The following ATP2B2 variants were observed in gnomAD, a reference collection of about 807,000 sequenced individuals.
ATP2B2 encodes the protein plasma membrane calcium-transporting ATPase 2.
Under a neutral mutation model 120.0 loss-of-function variants are expected in ATP2B2, and 15 were observed. The ratio of observed to expected loss-of-function variants is 0.12; its 90% confidence interval spans 0.08 to 0.19. The LOEUF is 0.19. Ranked by LOEUF, ATP2B2 falls within the 10% of genes least tolerant of loss-of-function variation. ATP2B2 has a pLI of 1.00. For synonymous variants in ATP2B2, 694 were observed against 700.3 expected (o/e 0.99, Z 0.14); for missense variants, 1,045 against 1,719.8 (o/e 0.61, Z 6.94).
intron 1 of ATP2B2, among the ~76,000 whole-genome samples, chr3:10,685,637 T>A (rs543105818): frequency 1.3e-5 from 2 of 152,198 alleles, no homozygotes; most frequent in African/African-American, 2.4e-5. Flanking sequence ...CAATGTGCCA[T>A]GTGGCTGCTT....
intron 1 of ATP2B2, among the ~76,000 whole-genome samples, chr3:10,646,386 G>C (rs1255764470): frequency 6.6e-6 from 1 of 152,086 alleles, no homozygotes; most frequent in African/African-American, 2.4e-5. Flanking sequence ...TGGAGACCCA[G>C]CTCAAGTCCT....
At chr3:10,520,683 TA>T (rs1407071796) in intron 3 of ATP2B2, among the ~76,000 whole-genome samples, 2 of 151,888 alleles carry the variant, frequency 1.3e-5, no homozygotes, top group Non-Finnish European at 2.9e-5. Flanking sequence ...CTTGAACTCC[TA>T]ATCTCAAGTG....
At chr3:10,695,578 T>A (rs2125716503) in intron 1 of ATP2B2, among the ~76,000 whole-genome samples, 1 of 152,058 alleles carries the variant, frequency 6.6e-6, no homozygotes, top group East Asian at 1.9e-4. Flanking sequence ...AGACACTACA[T>A]AGAGTAAAGG....
At chr3:10,512,771 C>G (rs1223163893) in intron 3 of ATP2B2, among the ~76,000 whole-genome samples, 1 of 152,220 alleles carries the variant, frequency 6.6e-6, no homozygotes, top group African/African-American at 2.4e-5. Context: ...CCCTCTGGGA[C>G]TCTGCCTCAG....
At chr3:10,622,394 C>T (rs17033250) in intron 1 of ATP2B2, among the ~76,000 whole-genome samples, 3,448 of 152,208 alleles carry the variant, frequency 0.023, 77 homozygotes, top group African/African-American at 0.064. Context: ...GTTAAAATTT[C>T]ATCTGCATTG....
intron 3 of ATP2B2, among the ~76,000 whole-genome samples, chr3:10,405,448 C>A (rs923718314): frequency 6.6e-6 from 1 of 152,162 alleles, no homozygotes; most frequent in African/African-American, 2.4e-5. Context: ...GTGCAGATCG[C>A]TGGGGTAGGG....
intron 1 of ATP2B2, among the ~76,000 whole-genome samples, chr3:10,655,968 C>G (rs939255288): frequency 6.6e-6 from 1 of 152,230 alleles, no homozygotes; most frequent in African/African-American, 2.4e-5. Flanking sequence ...AACGTTTCTT[C>G]TCTTGGAGAA....
intron 1 of ATP2B2, among the ~76,000 whole-genome samples, chr3:10,477,285 C>A (rs1430619611): frequency 6.6e-6 from 1 of 152,220 alleles, no homozygotes; most frequent in African/African-American, 2.4e-5. Flanking sequence ...GGGGAAGATG[C>A]TCTTCTGCGT....
intron 22 of ATP2B2, among the ~76,000 whole-genome samples, chr3:10,337,329 C>A (rs531726464): frequency 6.6e-6 from 1 of 152,254 alleles, no homozygotes; most frequent in Admixed American, 6.5e-5. Context: ...CACTGCACTT[C>A]GCCCAAGCAT....
At chr3:10,503,818 A>G (rs2066490531) in intron 1 of ATP2B2, among the ~76,000 whole-genome samples, 1 of 152,244 alleles carries the variant, frequency 6.6e-6, no homozygotes, top group Admixed American at 6.5e-5. Flanking sequence ...TGGCTGTTGC[A>G]GGGCACTGTG....
At chr3:10,462,718 C>T (rs1311268243) in intron 1 of ATP2B2, among the ~76,000 whole-genome samples, 1 of 152,216 alleles carries the variant, frequency 6.6e-6, no homozygotes, top group Non-Finnish European at 1.5e-5. Flanking sequence ...GAAGCTGCCA[C>T]ATTATGCTGC....
In ATP2B2 at chr3:10,638,955, C is replaced by T. The variant is rs138042287; in HGVS notation, c.-459-18994G>A. On this transcript the variant is annotated intron_variant, in intron 1 of 21. Transcript: ENST00000646379. Reference sequence around the variant, plus strand: ...TAATAAGGCAGCTTAAAATGCATGACGCAAATATTGATGGAAAACAAGAGA... The same window carrying T: ...TAATAAGGCAGCTTAAAATGCATGATGCAAATATTGATGGAAAACAAGAGA... Among the ~76,000 whole-genome samples, 354 of 152,268 alleles carry T rather than the reference C, an allele frequency of 2.3e-3. 3 individuals carry two copies. The highest frequency in any genetic ancestry group is 7.3e-3 in the African/African-American group (304 of 41,558).
chr3:10,339,329 T>C (rs1314618696), intron 21 of ATP2B2, among the ~76,000 whole-genome samples: 1 of 152,222 alleles, frequency 6.6e-6, no homozygotes, highest in Non-Finnish European at 1.5e-5. Flanking sequence ...ATCTTTTAGT[T>C]AATTTTTGCC....
chr3:10,442,575 T>C (rs1383878404), intron 2 of ATP2B2, among the ~76,000 whole-genome samples: 1 of 152,220 alleles, frequency 6.6e-6, no homozygotes, highest in African/African-American at 2.4e-5. Flanking sequence ...GAACTTCACA[T>C]TAAACTGTGC....
intron 5 of ATP2B2, among the ~76,000 whole-genome samples, chr3:10,399,889 A>T (rs1192427542): frequency 6.6e-6 from 1 of 152,148 alleles, no homozygotes; most frequent in Non-Finnish European, 1.5e-5. Context: ...GCTTTCTCAC[A>T]ACACCTTCCT....
intron 1 of ATP2B2, among the ~76,000 whole-genome samples, chr3:10,490,951 TG>T (rs2065910633): frequency 6.6e-6 from 1 of 152,270 alleles, no homozygotes; most frequent in Non-Finnish European, 1.5e-5. Context: ...TTGTTTGCTA[TG>T]CTGTTTTCTC....
At chr3:10,557,629 C>T (rs575296528) in intron 2 of ATP2B2, among the ~76,000 whole-genome samples, 38 of 152,300 alleles carry the variant, frequency 2.5e-4, no homozygotes, top group African/African-American at 8.9e-4. Flanking sequence ...CTGCAGGGCA[C>T]AGTCACTGAG....
Position 10,558,858 on chromosome 3 carries a change from G to C in ATP2B2, c.-414-24725C>G, listed in dbSNP as rs1472731524. Among the ~76,000 whole-genome samples the C allele has an allele frequency of 7.9e-5, 12 of 152,170 alleles. No homozygotes were observed. The East Asian group carries it at 2.3e-3, about 29-fold the overall frequency. ...GGAAAGGAAGACAGGAGAGGGGAGGGGAGGAAAGAGGAGAGGAGAGAACGA... is the reference window on the plus strand; with the variant it reads ...GGAAAGGAAGACAGGAGAGGGGAGGCGAGGAAAGAGGAGAGGAGAGAACGA... On this transcript the variant is annotated intron_variant, in intron 2 of 21. Coordinates refer to the ATP2B2 transcript ENST00000646379.
chr3:10,563,950 T>G (rs1228169654), intron 2 of ATP2B2, among the ~76,000 whole-genome samples: 1 of 152,188 alleles, frequency 6.6e-6, no homozygotes, highest in African/African-American at 2.4e-5. Context: ...ATGCCTTAAC[T>G]TCCCCACCTG....
Sources: gnomAD v4.1 joint callset for allele counts (sites outside exome capture counted in the v4.1 genomes callset) on GRCh38, gnomAD v4.1.1 for gene constraint, MANE v1.5 for transcripts, NCBI Gene and HGNC (gene_info 2026-07-23, HGNC 2026-07-21) for gene names.